CSE1L: variants seen among roughly 807,000 people sequenced by gnomAD.
The protein encoded by CSE1L is chromosome segregation 1 like, also known as exportin-2.
CSE1L carries 24 observed loss-of-function variants against 120.4 expected under a neutral mutation model. The observed-to-expected ratio is 0.20, with a 90% confidence interval of 0.14 to 0.28. The LOEUF is 0.28. Among genes scored for constraint, CSE1L ranks in the 10% least tolerant of loss-of-function variants. CSE1L has a pLI of 1.00. For synonymous variants in CSE1L, 402 were observed against 398.3 expected, an observed-to-expected ratio of 1.01 and a Z score of -0.11; for missense variants, 830 against 1,145.2, an observed-to-expected ratio of 0.72 and a Z score of 3.97.
intron 16 of CSE1L, among the ~76,000 whole-genome samples, chr20:49,086,772 A>G (rs1056917264): frequency 2.0e-5 from 3 of 152,190 alleles, no homozygotes; most frequent in African/African-American, 7.2e-5. Flanking sequence ...GTACGGTTGT[A>G]TGAGTGAATG....
At chr20:49,084,782 A>G (rs981390301) in intron 15 of CSE1L, among the ~76,000 whole-genome samples, 4 of 152,200 alleles carry the variant, frequency 2.6e-5, no homozygotes, top group African/African-American at 9.7e-5. Context: ...AGCTTTGGGT[A>G]AGAGATGGAA....
chr20:49,093,453 A>G (rs1359003263), intron 22 of CSE1L, among the ~76,000 whole-genome samples: 1 of 152,090 alleles, frequency 6.6e-6, no homozygotes, highest in African/African-American at 2.4e-5. Flanking sequence ...GCATTTATGT[A>G]CCTGCAGGTA....
chr20:49,094,370 G>C, intron 23 of CSE1L, 84 bp downstream of exon 23: 4 of 1,319,640 alleles, frequency 3.0e-6, no homozygotes, highest in South Asian at 1.3e-5. Context: ...TTCTCTTGGG[G>C]GCCAAGAGAA....
intron 17 of CSE1L, among the ~76,000 whole-genome samples, chr20:49,088,457 A>G (rs555968138): frequency 3.3e-5 from 5 of 152,372 alleles, no homozygotes; most frequent in African/African-American, 7.2e-5. Context: ...CTATGAAATG[A>G]TGATTAAAAT....
At chr20:49,065,886 G>A (rs981131143) in intron 3 of CSE1L, among the ~76,000 whole-genome samples, 7 of 152,070 alleles carry the variant, frequency 4.6e-5, no homozygotes, top group African/African-American at 1.7e-4. Context: ...GAGCCACTGC[G>A]CCCAGTCTAA....
chr20:49,094,375 A>G lies in CSE1L; in HGVS notation c.2594+89A>G, dbSNP rs547125397. 5 of 1,298,026 alleles carry G rather than the reference A, an allele frequency of 3.9e-6. No individual in the cohort carries two copies. The Admixed American group carries it at 6.3e-5, about 16-fold the overall frequency. The allele number at this position is 1,298,026 out of a possible 1,614,324, so 80.4% of individuals were successfully genotyped here. ...ACAAAGCTTATTCTCTTGGGGGCCAAGAGAATCTTGGTCTGATCTCAGCTT... is the reference window on the plus strand; with the variant it reads ...ACAAAGCTTATTCTCTTGGGGGCCAGGAGAATCTTGGTCTGATCTCAGCTT... On this transcript the variant is annotated intron_variant, in intron 23 of 24. Coordinates refer to ENST00000262982, the MANE Select transcript of CSE1L (RefSeq NM_001316.4).
chr20:49,071,825 G>T (rs911036644), intron 8 of CSE1L, among the ~76,000 whole-genome samples: 1 of 152,008 alleles, frequency 6.6e-6, no homozygotes, highest in Admixed American at 6.5e-5. Context: ...AAAATTAGCC[G>T]GGCGTGATGG....
rs1169151375 is a variant in CSE1L at position 49,065,586 on chromosome 20, ATTTT to A, written c.229-583_229-580del. ...CCATCGCACCTGGCCTAAAATGGAA[ATTTT>A]TTTTTTTTTTTTTTTTTTTTTTGAG... On this transcript the variant is annotated intron_variant, in intron 3 of 24. Transcript: ENST00000262982. Among the ~76,000 whole-genome samples, 7 of 76,322 alleles carry A rather than the reference ATTTT, an allele frequency of 9.2e-5. No individual in the cohort carries two copies. The East Asian group carries it at 1.2e-3, about 13-fold the overall frequency. 50.1% of individuals were successfully genotyped at this position (76,322 alleles called of 152,430 possible). A position where few individuals can be genotyped will look rare whatever the true frequency, so the allele number is the denominator to read the frequency against.
In CSE1L at chr20:49,068,760, C is replaced by G; in HGVS notation, c.613C>G (p.Leu205Val). 6.2e-7 allele frequency: 1 copy of G among 1,614,022 alleles called. No individual in the cohort carries two copies. Among genetic ancestry groups the G allele is most frequent in the Non-Finnish European group, 8.5e-7 (1 of 1,179,912 alleles). Residue 205 changes from leucine to valine, a missense_variant, in exon 7 of 25, where the codon CTG (leucine) becomes GTG (valine). Coordinates refer to ENST00000262982, the MANE Select transcript of CSE1L (RefSeq NM_001316.4). ...TACCCATGCAAATGATGCCTCTGCC[C>G]TGAGGATTCTGTTTTCTTCCCTGAT... The part of the protein sequence containing the change: ...CSTHANDASA[L>V]RILFSSLILI...
intron 1 of CSE1L, among the ~76,000 whole-genome samples, chr20:49,051,769 C>A (rs1371068718): frequency 6.6e-6 from 1 of 152,250 alleles, no homozygotes; most frequent in Non-Finnish European, 1.5e-5. Context: ...ATGATCATAG[C>A]TCACTGCAGC....
intron 1 of CSE1L, among the ~76,000 whole-genome samples, chr20:49,056,861 G>C (rs987074129): frequency 3.3e-5 from 3 of 91,284 alleles, no homozygotes; most frequent in African/African-American, 1.3e-4. Flanking sequence ...GTGTGTGTGT[G>C]TGTGTGTGTG....
chr20:49,081,195 A>G (rs2426121), intron 14 of CSE1L, among the ~76,000 whole-genome samples: 1 of 151,770 alleles, frequency 6.6e-6, no homozygotes, highest in Admixed American at 6.6e-5. Flanking sequence ...TGTTGGCCAG[A>G]CTGGTCTCAA....
chr20:49,065,739 G>A (rs1482139697), intron 3 of CSE1L, among the ~76,000 whole-genome samples: 2 of 150,792 alleles, frequency 1.3e-5, no homozygotes, highest in East Asian at 3.9e-4. Context: ...GATTATAGGT[G>A]CCTGCCACCA....
chr20:49,047,120 G>T (rs1002646119), intron 1 of CSE1L, among the ~76,000 whole-genome samples: 3 of 152,210 alleles, frequency 2.0e-5, no homozygotes, highest in Admixed American at 6.5e-5. Context: ...TGCTGTGGTG[G>T]TTCGGAGCAT....
chr20:49,084,226 A>C (rs2092036243), intron 15 of CSE1L, 64 bp downstream of exon 15: 15 of 1,442,940 alleles, frequency 1.0e-5, no homozygotes, highest in Middle Eastern at 1.8e-4. Context: ...GGTCAAAGAT[A>C]TCTGAATGTT....
At chr20:49,074,327 C>T (rs897991078) in intron 10 of CSE1L, among the ~76,000 whole-genome samples, 5 of 151,496 alleles carry the variant, frequency 3.3e-5, no homozygotes, top group African/African-American at 1.2e-4. Context: ...CCATTTCAGC[C>T]TCCCAAAGTG....
intron 2 of CSE1L, among the ~76,000 whole-genome samples, chr20:49,061,486 A>ATTATTTAT (rs113315451): frequency 9.0e-5 from 12 of 132,956 alleles, no homozygotes; most frequent in South Asian, 7.7e-4. Flanking sequence ...AATTATTATT[A>ATTATTTAT]TTATTTATTT....
chr20:49,094,421 C>T lies in CSE1L; in HGVS notation c.2594+135C>T, dbSNP rs1480852672. On this transcript the variant is annotated intron_variant, in intron 23 of 24. Transcript: ENST00000262982. ...AGCTTCTCCACAATCAGATCCAAGA[C>T]ATGATTTCTGGATCCTTCTGGGCTT... 3.4e-6 allele frequency: 3 copies of T among 878,418 alleles called. No homozygotes were observed. The East Asian group carries it at 7.6e-5, about 22-fold the overall frequency. The allele number at this position is 878,418 out of a possible 1,614,324, so 54.4% of individuals were successfully genotyped here.
chr20:49,063,258 A>T lies in CSE1L; in HGVS notation c.142A>T (p.Thr48Ser). Residue 48 changes from threonine (T) to serine (S), a missense_variant, in exon 3 of 25, where the codon ACA becomes TCA. Physicochemically the swap from Thr to Ser is moderately conservative, Grantham distance 58 (BLOSUM62 1). Around this residue, in one of 4 missense-constraint regions of CSE1L, gnomAD observed 543 missense variants for 640.2 expected, o/e 0.85. Transcript: ENST00000262982. ...GNQNYPLLLL[T>S]LLEKSQDNVI... ...TCAGAATTATCCACTGTTGCTTTTG[A>T]CATTACTGGAGAAGTCCCAGGATAA... The T allele has an allele frequency of 6.3e-7, 1 of 1,596,228 alleles. No individual in the cohort carries two copies. The highest frequency in any genetic ancestry group is 8.5e-7 in the Non-Finnish European group (1 of 1,171,760).
Sources: gnomAD v4.1 joint callset for allele counts (sites outside exome capture counted in the v4.1 genomes callset) on GRCh38, gnomAD v4.1.1 for gene constraint, gnomAD v4.1.1 regional missense constraint, MANE v1.5 for transcripts, NCBI Gene and HGNC (gene_info 2026-07-23, HGNC 2026-07-21) for gene names.